Variants in THSD4 observed in about 807,000 individuals in gnomAD.
The protein encoded by THSD4 is thrombospondin type-1 domain-containing protein 4.
THSD4 carries 69 observed loss-of-function variants against 119.0 expected under a neutral mutation model. The observed-to-expected ratio is 0.58, with a 90% CI of 0.48 to 0.71. THSD4 has a LOEUF of 0.71. Ranked by LOEUF, THSD4 falls within the 30% of genes least tolerant of loss-of-function variation. THSD4 has a pLI of 0.00. For synonymous variants in THSD4, 524 were observed against 540.4 expected (o/e 0.97, Z 0.42); for missense variants, 1,393 against 1,391.1 (o/e 1.00, Z -0.02).
chr15:71,652,986 G>A (rs1392975135), intron 7 of THSD4, among the ~76,000 whole-genome samples: 1 of 152,068 alleles, frequency 6.6e-6, no homozygotes, highest in Non-Finnish European at 1.5e-5. Context: ...TTCATATCAG[G>A]GCTGTATCTC....
chr15:71,649,030 GA>G (rs2051029504), intron 7 of THSD4, among the ~76,000 whole-genome samples: 1 of 152,182 alleles, frequency 6.6e-6, no homozygotes, highest in Non-Finnish European at 1.5e-5. Context: ...GTGTCTAGAA[GA>G]AAAGACGTTT....
intron 7 of THSD4, among the ~76,000 whole-genome samples, chr15:71,616,282 TTA>T (rs959662306): frequency 4.3e-4 from 65 of 152,260 alleles, no homozygotes; most frequent in Middle Eastern, 6.8e-3. Flanking sequence ...GAAAAAAGGT[TTA>T]AAAAGTGAAT....
At chr15:71,482,842 C>T (rs1302872685) in intron 7 of THSD4, among the ~76,000 whole-genome samples, 1 of 152,174 alleles carries the variant, frequency 6.6e-6, no homozygotes, top group Non-Finnish European at 1.5e-5. Context: ...CCACCTCGGC[C>T]TCCCAGAGTG....
At chr15:71,506,652 C>A (rs116468774) in intron 7 of THSD4, among the ~76,000 whole-genome samples, 3 of 152,214 alleles carry the variant, frequency 2.0e-5, no homozygotes, top group Non-Finnish European at 4.4e-5. Flanking sequence ...TTTCAACTTG[C>A]GTAAAGGATC....
intron 8 of THSD4, among the ~76,000 whole-genome samples, chr15:71,674,997 G>A (rs1428548437): frequency 6.6e-6 from 1 of 152,090 alleles, no homozygotes. Context: ...AATATCTAAG[G>A]TTTTCTTTGA....
At chr15:71,745,751 TCTC>T (rs1281277454) in intron 12 of THSD4, among the ~76,000 whole-genome samples, 1 of 152,168 alleles carries the variant, frequency 6.6e-6, no homozygotes, top group Non-Finnish European at 1.5e-5. Flanking sequence ...TTCAAGCAAT[TCTC>T]CTGCATCAGC....
chr15:71,287,319 T>C (rs2044730583), intron 6 of THSD4, among the ~76,000 whole-genome samples: 1 of 152,214 alleles, frequency 6.6e-6, no homozygotes, highest in East Asian at 1.9e-4. Context: ...ATACTTGATA[T>C]TTAGAAAATT....
rs1376275081 is a variant in THSD4, at chr15:71,492,538, C to T, written c.1152+80715C>T. On this transcript the variant is annotated intron_variant, in intron 7 of 17. Transcript: ENST00000261862. ...CTAACCTCAAGTGATCCACCCACCT[C>T]GGCCTCCCAAAGTGCTGGGATTACT... Among the ~76,000 whole-genome samples the T allele has an allele frequency of 2.6e-5, 4 of 152,234 alleles. No individual in the cohort carries two copies. The South Asian group carries it at 6.2e-4, about 24-fold the overall frequency.
At chr15:71,112,124 C>A (rs2040309711), upstream of THSD4, 1 of 1,613,462 alleles carries the variant, frequency 6.2e-7, no homozygotes, top group Non-Finnish European at 8.5e-7. Context: ...GCCATTCATT[C>A]CTCAGAGATT....
At chr15:71,368,183 A>G (rs2045992374) in intron 6 of THSD4, among the ~76,000 whole-genome samples, 1 of 152,176 alleles carries the variant, frequency 6.6e-6, no homozygotes, top group Non-Finnish European at 1.5e-5. Context: ...TCTGGATATT[A>G]GCCCTTTGTC....
At chr15:71,412,376 G>T (rs1350416284) in intron 7 of THSD4, among the ~76,000 whole-genome samples, 1 of 152,152 alleles carries the variant, frequency 6.6e-6, no homozygotes, top group African/African-American at 2.4e-5. Context: ...CAAACATTCT[G>T]GGCTTCAGAG....
At chr15:71,442,662 A>ATGTATGTATGTG (rs1293956011) in intron 7 of THSD4, among the ~76,000 whole-genome samples, 8 of 36,050 alleles carry the variant, frequency 2.2e-4, no homozygotes, top group Non-Finnish European at 3.6e-4. Context: ...GTGTGTGTGT[A>ATGTATGTATGTG]TATATATATA....
chr15:71,689,494 C>T (rs748366711), intron 8 of THSD4, among the ~76,000 whole-genome samples: 20 of 152,150 alleles, frequency 1.3e-4, no homozygotes, highest in Admixed American at 4.6e-4. Flanking sequence ...ATAAAGCTGC[C>T]TCCATATACA....
chr15:71,217,626 A>G (rs2043945379), intron 4 of THSD4, among the ~76,000 whole-genome samples: 2 of 152,030 alleles, frequency 1.3e-5, no homozygotes, highest in South Asian at 4.1e-4. Context: ...CCGTCTCAAA[A>G]AAAAAAAAAA....
At chr15:71,493,307 G>T (rs974403068) in intron 7 of THSD4, among the ~76,000 whole-genome samples, 3 of 152,220 alleles carry the variant, frequency 2.0e-5, no homozygotes, top group Non-Finnish European at 2.9e-5. Context: ...CCAAGCCAGT[G>T]CTCTGTCTAA....
At chr15:71,576,796 A>G (rs1196403766) in intron 7 of THSD4, among the ~76,000 whole-genome samples, 2 of 152,132 alleles carry the variant, frequency 1.3e-5, no homozygotes, top group Admixed American at 1.3e-4. Context: ...AAAAGATAAC[A>G]TGTTACCTTT....
intron 6 of THSD4, among the ~76,000 whole-genome samples, chr15:71,260,060 G>A (rs1288626126): frequency 1.3e-5 from 2 of 152,154 alleles, no homozygotes; most frequent in Non-Finnish European, 2.9e-5. Flanking sequence ...GGTCTGAGGT[G>A]GCCATCAGCC....
At chr15:71,560,282 A>G (rs1333866834) in intron 7 of THSD4, among the ~76,000 whole-genome samples, 1 of 152,212 alleles carries the variant, frequency 6.6e-6, no homozygotes, top group African/African-American at 2.4e-5. Flanking sequence ...ATATTCCTAC[A>G]TTGCACCAAG....
At chr15:71,525,862 C>T (rs1451721336) in intron 7 of THSD4, among the ~76,000 whole-genome samples, 4 of 152,190 alleles carry the variant, frequency 2.6e-5, no homozygotes, top group Non-Finnish European at 5.9e-5. Flanking sequence ...CAGCTACAGA[C>T]TCACCACCTT....
Sources: allele counts gnomAD v4.1 joint callset (sites outside exome capture counted in the v4.1 genomes callset), GRCh38; gene constraint gnomAD v4.1.1; transcripts MANE v1.5; gene names NCBI Gene and HGNC (gene_info 2026-07-23, HGNC 2026-07-21).